Variants in NDST4 observed in about 807,000 individuals in gnomAD.
NDST4 encodes N-deacetylase and N-sulfotransferase 4, also known as N-heparan sulfate sulfotransferase 4.
In NDST4, 63 loss-of-function variants were observed where a neutral mutation model predicts 100.8. That is an observed-to-expected ratio of 0.62 (90% confidence interval 0.51 to 0.77). The LOEUF (loss-of-function observed/expected upper bound fraction) is 0.77, where lower values mean the gene tolerates loss of function less well. Among genes scored for constraint, NDST4 ranks in the 30% least tolerant of loss-of-function variants. The pLI is 0.00. For missense variants in NDST4, 943 were observed against 1,018.4 expected (o/e 0.93, Z 1.01); for synonymous variants, 377 against 361.8 (o/e 1.04, Z -0.48).
chr4:114,986,832 A>ATATATT lies in NDST4; in HGVS notation c.979-9559_979-9558insAATATA. Among the ~76,000 whole-genome samples the ATATATT allele has an allele frequency of 4.5e-3, 422 of 94,578 alleles. 29 individuals are homozygous for ATATATT. Among genetic ancestry groups the ATATATT allele is most frequent in the East Asian group, 0.023 (63 of 2,778 alleles). 62.0% of individuals were successfully genotyped at this position (94,578 alleles called of 152,430 possible). On this transcript the variant is annotated intron_variant, in intron 2 of 13. Transcript: ENST00000264363. The stretch of plus-strand genomic sequence containing the variant: ...TATATATATATATATATATATATAT[A>ATATATT]TTTTAATATACTATTCCTATAAGCT...
intron 2 of NDST4, among the ~76,000 whole-genome samples, chr4:115,070,048 C>T (rs181372806): frequency 9.6e-4 from 146 of 152,196 alleles, no homozygotes; most frequent in African/African-American, 3.3e-3. Flanking sequence ...AACTACCATT[C>T]GACCCAGCAA....
At chr4:114,895,564 G>A (rs1041832497) in intron 6 of NDST4, among the ~76,000 whole-genome samples, 3 of 152,056 alleles carry the variant, frequency 2.0e-5, no homozygotes, top group African/African-American at 7.2e-5. Flanking sequence ...ACTACAAAGA[G>A]GAACTGGTAC....
chr4:115,068,565 T>A (rs1729000642), intron 2 of NDST4, among the ~76,000 whole-genome samples: 2 of 151,692 alleles, frequency 1.3e-5, no homozygotes, highest in South Asian at 2.1e-4. Flanking sequence ...ACCCAGCACT[T>A]TGGGAGGCTG....
In NDST4 at chr4:115,083,332, A is replaced by C. The variant is rs533216618; in HGVS notation, c.-246-6050T>G. ...AAATTAGGCAGGTGCGGTGGTGTGA[A>C]CCTGTAGTTCCAGCTACTTGGGAGG... On this transcript the variant is annotated intron_variant, in intron 1 of 13. Transcript: ENST00000264363. 3.3e-5 allele frequency among the ~76,000 whole-genome samples: 5 copies of C among 152,076 alleles called. No homozygotes were observed. The South Asian group carries it at 1.0e-3, about 32-fold the overall frequency.
chr4:114,945,208 C>CAAAAAAAAA (rs1173970826), intron 4 of NDST4, among the ~76,000 whole-genome samples: 73 of 53,722 alleles, frequency 1.4e-3, no homozygotes, highest in East Asian at 2.9e-3. Flanking sequence ...AACTCCGTCT[C>CAAAAAAAAA]AAAAAAAAAA....
intron 1 of NDST4, among the ~76,000 whole-genome samples, chr4:115,104,956 T>C (rs1729806661): frequency 6.6e-6 from 1 of 152,154 alleles, no homozygotes; most frequent in African/African-American, 2.4e-5. Flanking sequence ...CTAGAAACTT[T>C]GGACTTATTG....
chr4:115,036,780 A>G (rs1447457386), intron 2 of NDST4, among the ~76,000 whole-genome samples: 1 of 151,984 alleles, frequency 6.6e-6, no homozygotes, highest in Non-Finnish European at 1.5e-5. Context: ...TAAAGATATT[A>G]AAATGAAATC....
intron 2 of NDST4, among the ~76,000 whole-genome samples, chr4:115,014,174 G>T (rs1311658796): frequency 6.6e-6 from 1 of 151,988 alleles, no homozygotes; most frequent in Non-Finnish European, 1.5e-5. Flanking sequence ...TTTGTGTTTG[G>T]CTGGTAAGGC....
At chr4:115,092,951 A>G (rs913292895) in intron 1 of NDST4, among the ~76,000 whole-genome samples, 6 of 152,208 alleles carry the variant, frequency 3.9e-5, no homozygotes, top group Non-Finnish European at 7.4e-5. Flanking sequence ...GCTGTTTACA[A>G]TGGATATAAA....
chr4:115,105,615 A>G (rs1729818435), intron 1 of NDST4, among the ~76,000 whole-genome samples: 1 of 152,126 alleles, frequency 6.6e-6, no homozygotes, highest in Admixed American at 6.6e-5. Flanking sequence ...ACAAAAAACA[A>G]CAAGAAATCT....
Position 115,009,563 on chromosome 4 carries a change from A to G in NDST4, c.979-32289T>C, listed in dbSNP as rs1236467385. ...GATGGATTAAAGACTTAAACGTTAG[A>G]CCTAAAACCATAAAAACCCTAGAAG... On this transcript the variant is annotated intron_variant, in intron 2 of 13. Transcript: ENST00000264363. Among the ~76,000 whole-genome samples the G allele has an allele frequency of 1.3e-4, 16 of 123,274 alleles. 2 individuals are homozygous for G. Among genetic ancestry groups the G allele is most frequent in the Non-Finnish European group, 1.7e-4 (10 of 58,638 alleles). 80.9% of individuals were successfully genotyped at this position (123,274 alleles called of 152,430 possible).
chr4:114,981,710 A>G, intron 2 of NDST4, among the ~76,000 whole-genome samples: 1 of 152,274 alleles, frequency 6.6e-6, no homozygotes. Flanking sequence ...ATTTATATTA[A>G]TTTCAAGGTG....
At position 115,022,410 on chromosome 4, in the gene NDST4, T is replaced by C. The variant is rs1414390499; in HGVS notation, c.979-45136A>G. ...GTTCCATATATATGTGTTCCATATA[T>C]ATGTGTTCCATATATATGTGTTCCA... is the stretch of plus-strand genomic sequence containing the variant. On this transcript the variant is annotated intron_variant, in intron 2 of 13. Transcript: ENST00000264363. Among the ~76,000 whole-genome samples the C allele has an allele frequency of 1.2e-3, 169 of 136,950 alleles. 2 individuals are homozygous for C. The highest frequency in any genetic ancestry group is 4.2e-3 in the African/African-American group (156 of 37,240). 89.8% of individuals were successfully genotyped at this position (136,950 alleles called of 152,430 possible). A position where few individuals can be genotyped will look rare whatever the true frequency, so the allele number is the denominator to read the frequency against.
intron 6 of NDST4, among the ~76,000 whole-genome samples, chr4:114,933,772 A>G (rs1725567126): frequency 6.6e-6 from 1 of 152,172 alleles, no homozygotes; most frequent in Non-Finnish European, 1.5e-5. Flanking sequence ...ATCATTCATC[A>G]TCAGGGAAAT....
At chr4:114,990,859 C>T (rs1305836933) in intron 2 of NDST4, among the ~76,000 whole-genome samples, 5 of 152,092 alleles carry the variant, frequency 3.3e-5, no homozygotes, top group African/African-American at 1.2e-4. Context: ...AAATTTAACG[C>T]ACCGAGGCAT....
At chr4:115,011,158 AAGCTTAGT>A (rs1236138954) in intron 2 of NDST4, among the ~76,000 whole-genome samples, 3 of 152,140 alleles carry the variant, frequency 2.0e-5, no homozygotes, top group East Asian at 3.9e-4. Context: ...TTGCCTTCAG[AAGCTTAGT>A]ACTAAGGAAT....
Position 115,033,150 on chromosome 4 carries a change from TA to T in NDST4, c.978+42908del, listed in dbSNP as rs1332585155. ...ATATGTGTATATATATATATATATA[TA>T]TATATATTTTTTTTTTTTTTGAAAC... On this transcript the variant is annotated intron_variant, in intron 2 of 13. Coordinates refer to ENST00000264363, the MANE Select transcript of NDST4 (RefSeq NM_022569.3). Among the ~76,000 whole-genome samples, 468 of 119,296 alleles carry T rather than the reference TA, an allele frequency of 3.9e-3. 1 individual carries two copies. The highest frequency in any genetic ancestry group is 0.017 in the Middle Eastern group (4 of 242). 78.3% of individuals were successfully genotyped at this position (119,296 alleles called of 152,430 possible). A position where few individuals can be genotyped will look rare whatever the true frequency, so the allele number is the denominator to read the frequency against.
intron 4 of NDST4, among the ~76,000 whole-genome samples, chr4:114,950,693 C>T (rs1337982855): frequency 6.6e-6 from 1 of 152,026 alleles, no homozygotes; most frequent in Non-Finnish European, 1.5e-5. Flanking sequence ...TAGTCTTGTG[C>T]TCTTTCTGCT....
chr4:114,899,794 GT>G lies in NDST4; in HGVS notation c.1537-28845del, dbSNP rs200016491. On this transcript the variant is annotated intron_variant, in intron 6 of 13. Coordinates refer to ENST00000264363, the MANE Select transcript of NDST4 (RefSeq NM_022569.3). The stretch of plus-strand genomic sequence containing the variant: ...TAAGATATATTGGTCTGTAGTTTTT[GT>G]TTTTTGGAATGTCTTTTTCTGGTTT... Among the ~76,000 whole-genome samples, 1,153 of 152,058 alleles carry G rather than the reference GT, an allele frequency of 7.6e-3. 10 individuals are homozygous for G. Among genetic ancestry groups the G allele is most frequent in the African/African-American group, 0.026 (1,094 of 41,512 alleles).
Sources: allele counts gnomAD v4.1 joint callset (sites outside exome capture counted in the v4.1 genomes callset), GRCh38; gene constraint gnomAD v4.1.1; transcripts MANE v1.5; gene names NCBI Gene and HGNC (gene_info 2026-07-23, HGNC 2026-07-21).